MAML3: variants seen among roughly 807,000 people sequenced by gnomAD.
MAML3 encodes mastermind-like protein 3.
MAML3 carries 27 observed loss-of-function variants against 101.9 expected under a neutral mutation model. That is an observed-to-expected ratio of 0.27 (90% CI 0.20 to 0.37). The LOEUF is 0.37. MAML3 is among the 10% of genes least tolerant of loss of function. The pLI, the probability that MAML3 is intolerant of heterozygous loss-of-function variation, is 1.00. For synonymous variants in MAML3, 501 were observed against 555.9 expected (o/e 0.90, Z 1.39); for missense variants, 1,316 against 1,444.9 (o/e 0.91, Z 1.45).
At chr4:140,125,576 C>T (rs1294511547) in intron 1 of MAML3, among the ~76,000 whole-genome samples, 2 of 152,228 alleles carry the variant, frequency 1.3e-5, no homozygotes, top group Non-Finnish European at 2.9e-5. Flanking sequence ...AACTGACTGA[C>T]CACATCACTC....
chr4:139,891,272 T>C (rs1352489879), intron 1 of MAML3, among the ~76,000 whole-genome samples: 2 of 152,158 alleles, frequency 1.3e-5, no homozygotes, highest in Non-Finnish European at 2.9e-5. Flanking sequence ...TAATCTGTTA[T>C]TATTTTCTTT....
chr4:140,053,247 T>C (rs1727298094), intron 1 of MAML3, among the ~76,000 whole-genome samples: 2 of 152,090 alleles, frequency 1.3e-5, no homozygotes, highest in South Asian at 4.1e-4. Context: ...ATTCTTCATG[T>C]CTTCATGGCA....
intron 1 of MAML3, among the ~76,000 whole-genome samples, chr4:139,912,988 T>C (rs938712051): frequency 1.3e-5 from 2 of 152,266 alleles, no homozygotes; most frequent in African/African-American, 4.8e-5. Context: ...GGTCATCCTA[T>C]GCCAAGGCCA....
chr4:139,728,076 G>T (rs868840524), intron 3 of MAML3, among the ~76,000 whole-genome samples: 4 of 152,130 alleles, frequency 2.6e-5, no homozygotes, highest in African/African-American at 7.2e-5. Context: ...TTAGCCAGGC[G>T]TGATGGTGTT....
intron 2 of MAML3, among the ~76,000 whole-genome samples, chr4:139,820,834 G>T (rs78389666): frequency 0.01 from 1,538 of 152,112 alleles, 10 homozygotes; most frequent in African/African-American, 0.021. Context: ...GATAATGCTA[G>T]AGTAAACATC....
In MAML3 at chr4:139,719,792, T is replaced by G. The variant is rs1341467806; in HGVS notation, c.2948A>C (p.Asn983Thr). 4 of 1,613,636 alleles carry G rather than the reference T, an allele frequency of 2.5e-6. No homozygotes were observed. The highest frequency in any genetic ancestry group is 2.5e-6 in the Non-Finnish European group (3 of 1,179,880). Residue 983 changes from asparagine (N) to threonine (T), a missense_variant, in exon 5 of 5, where the codon AAC becomes ACC. Physicochemically the swap from Asn to Thr is moderately conservative, Grantham distance 65 (BLOSUM62 0). Coordinates refer to ENST00000509479, the MANE Select transcript of MAML3 (RefSeq NM_018717.5). ...TTGAAGAGGGTAGCTGGCGCCATTG[T>G]TGAATGGTCCCAATTCTCCACTAGT... ...GRTSGELGPF[N>T]NGASYPLQAG...
At chr4:139,978,193 CA>C (rs34495888) in intron 1 of MAML3, among the ~76,000 whole-genome samples, 3 of 151,726 alleles carry the variant, frequency 2.0e-5, no homozygotes, top group Non-Finnish European at 2.9e-5. Flanking sequence ...AAGAAGGTTA[CA>C]AAAAAAAGTC....
chr4:139,982,750 A>G (rs1319509292), intron 1 of MAML3, among the ~76,000 whole-genome samples: 1 of 152,154 alleles, frequency 6.6e-6, no homozygotes, highest in East Asian at 1.9e-4. Flanking sequence ...TTCAACTCCA[A>G]TACATCACCA....
At chr4:139,727,502 C>T (rs1728521995) in intron 3 of MAML3, among the ~76,000 whole-genome samples, 1 of 152,182 alleles carries the variant, frequency 6.6e-6, no homozygotes, top group African/African-American at 2.4e-5. Flanking sequence ...TCCTCAGTTC[C>T]ATCCTGGCTC....
At chr4:140,149,466 T>C (rs532850250) in intron 1 of MAML3, among the ~76,000 whole-genome samples, 1 of 152,342 alleles carries the variant, frequency 6.6e-6, no homozygotes, top group East Asian at 1.9e-4. Context: ...TTGTTTTTCA[T>C]GCCCATTCTT....
chr4:140,004,333 A>G (rs1361459603), intron 1 of MAML3, among the ~76,000 whole-genome samples: 1 of 152,144 alleles, frequency 6.6e-6, no homozygotes, highest in Admixed American at 6.5e-5. Context: ...CCACTCCCCT[A>G]GCACCCAGTA....
intron 1 of MAML3, among the ~76,000 whole-genome samples, chr4:140,046,656 A>G (rs375251603): frequency 8.5e-5 from 13 of 152,154 alleles, no homozygotes; most frequent in African/African-American, 2.7e-4. Flanking sequence ...ATTAAGTGAG[A>G]AATACAAATA....
intron 2 of MAML3, among the ~76,000 whole-genome samples, chr4:139,732,832 C>T (rs1322955538): frequency 2.0e-5 from 3 of 152,024 alleles, no homozygotes; most frequent in Non-Finnish European, 4.4e-5. Context: ...AAGTGTACTG[C>T]GTTCTATTTT....
chr4:139,935,965 A>G (rs532005679), intron 1 of MAML3, among the ~76,000 whole-genome samples: 227 of 152,316 alleles, frequency 1.5e-3, no homozygotes, highest in Non-Finnish European at 2.6e-3. Flanking sequence ...ACCATATTGT[A>G]CATTATATCC....
intron 1 of MAML3, among the ~76,000 whole-genome samples, chr4:139,981,529 G>C (rs992401100): frequency 6.6e-6 from 1 of 151,968 alleles, no homozygotes; most frequent in South Asian, 2.1e-4. Flanking sequence ...ATATTAGCAT[G>C]GTACATTTGT....
At chr4:139,783,012 A>T (rs1730243843) in intron 2 of MAML3, among the ~76,000 whole-genome samples, 1 of 152,304 alleles carries the variant, frequency 6.6e-6, no homozygotes, top group South Asian at 2.1e-4. Context: ...GGAGCAATGC[A>T]TAAAACTTCC....
At chr4:140,095,045 G>A (rs1254500515) in intron 1 of MAML3, among the ~76,000 whole-genome samples, 4 of 152,170 alleles carry the variant, frequency 2.6e-5, no homozygotes, top group Admixed American at 6.5e-5. Flanking sequence ...GTGCCTCTCC[G>A]CAGCCAGGCT....
chr4:140,126,367 T>G (rs1030376765), intron 1 of MAML3, among the ~76,000 whole-genome samples: 1 of 152,108 alleles, frequency 6.6e-6, no homozygotes, highest in Non-Finnish European at 1.5e-5. Context: ...CACCATCCTA[T>G]TGTAAACCCT....
intron 1 of MAML3, among the ~76,000 whole-genome samples, chr4:139,987,685 T>C (rs1578630350): frequency 6.6e-6 from 1 of 151,790 alleles, no homozygotes; most frequent in Non-Finnish European, 1.5e-5. Context: ...CTGGTGCACC[T>C]TCCCGCCTGG....
Sources: allele counts gnomAD v4.1 joint callset (sites outside exome capture counted in the v4.1 genomes callset), GRCh38; gene constraint gnomAD v4.1.1; transcripts MANE v1.5; gene names NCBI Gene and HGNC (gene_info 2026-07-23, HGNC 2026-07-21).